Variants in TEX9 observed in about 807,000 individuals in gnomAD.
The protein encoded by TEX9 is testis-expressed protein 9.
TEX9 carries 74 observed loss-of-function variants against 59.6 expected under a neutral mutation model. That is an observed-to-expected ratio of 1.24 (90% CI 1.03 to 1.51). The LOEUF is 1.51. Ranked by LOEUF, TEX9 falls within the 40% of genes most tolerant of loss-of-function variation. TEX9 has a pLI of 0.00. For missense variants in TEX9, 522 were observed against 447.8 expected, an observed-to-expected ratio of 1.17 and a Z score of -1.49; for synonymous variants, 186 against 152.2, an observed-to-expected ratio of 1.22 and a Z score of -1.64.
intron 9 of TEX9, among the ~76,000 whole-genome samples, chr15:56,401,308 C>CAAAAAAAAAA (rs1207055803): frequency 1.2e-3 from 58 of 46,776 alleles, no homozygotes; most frequent in East Asian, 3.3e-3. Flanking sequence ...AAATTGAAAG[C>CAAAAAAAAAA]AAAAAAAAAA....
chr15:56,385,323 G>T (rs1261104551), intron 4 of TEX9, among the ~76,000 whole-genome samples: 1 of 152,080 alleles, frequency 6.6e-6, no homozygotes, highest in African/African-American at 2.4e-5. Flanking sequence ...GAGAAAATCT[G>T]TAAGGAACAA....
At chr15:56,421,301 ATATT>A (rs1352349622) in intron 10 of TEX9, among the ~76,000 whole-genome samples, 1 of 151,710 alleles carries the variant, frequency 6.6e-6, no homozygotes, top group East Asian at 1.9e-4. Context: ...TTATTTATTT[ATATT>A]TATTTTTGTT....
At chr15:56,293,830 G>T (rs1246753566) in intron 1 of TEX9, among the ~76,000 whole-genome samples, 1 of 152,236 alleles carries the variant, frequency 6.6e-6, no homozygotes. Flanking sequence ...CAGGGAGGAT[G>T]ACCAGAAGCT....
intron 1 of TEX9, among the ~76,000 whole-genome samples, chr15:56,299,539 G>C (rs900903272): frequency 2.0e-5 from 3 of 152,162 alleles, no homozygotes; most frequent in Non-Finnish European, 4.4e-5. Flanking sequence ...ATGACCTAGC[G>C]ATATACCAAC....
chr15:56,341,794 A>T (rs12442599), intron 1 of TEX9, among the ~76,000 whole-genome samples: 6 of 152,182 alleles, frequency 3.9e-5, no homozygotes, highest in African/African-American at 1.4e-4. Flanking sequence ...ATATAAAAAT[A>T]TACTCAAATA....
At chr15:56,269,577 T>C (rs1321919840) in intron 1 of TEX9, among the ~76,000 whole-genome samples, 2 of 152,164 alleles carry the variant, frequency 1.3e-5, no homozygotes, top group Non-Finnish European at 2.9e-5. Context: ...TTTTGTTATT[T>C]GCCCGGTGGT....
intron 1 of TEX9, among the ~76,000 whole-genome samples, chr15:56,309,882 A>C (rs1290596010): frequency 5.3e-5 from 8 of 151,640 alleles, no homozygotes; most frequent in African/African-American, 1.9e-4. Context: ...GGAAGTGAAA[A>C]ATCCCAAAAA....
chr15:56,428,950 A>C, intron 12 of TEX9: 1 of 561,662 alleles, frequency 1.8e-6, no homozygotes, highest in Non-Finnish European at 3.1e-6. Flanking sequence ...TTTGTATCTG[A>C]TAATTGTTTA....
chr15:56,376,110 T>C (rs916416716), intron 3 of TEX9, among the ~76,000 whole-genome samples: 1 of 147,158 alleles, frequency 6.8e-6, no homozygotes, highest in African/African-American at 2.5e-5. Flanking sequence ...TTAGGAGATA[T>C]ACCTAATGCT....
chr15:56,293,897 C>T (rs2045157911), intron 1 of TEX9, among the ~76,000 whole-genome samples: 1 of 152,216 alleles, frequency 6.6e-6, no homozygotes, highest in South Asian at 2.1e-4. Context: ...TTATTAATCC[C>T]TGTATTAAAC....
rs552904426 is a variant in TEX9 at position 56,326,747 on chromosome 15, C to T, written c.-106-46694C>T. Among the ~76,000 whole-genome samples the T allele has an allele frequency of 8.5e-5, 13 of 152,276 alleles. No homozygotes were observed. In the East Asian group the frequency reaches 1.9e-3, roughly 23 times the overall value. Reference sequence around the variant, plus strand: ...CTGCAAAATAAATACCTCAGAATTACGCTATCTCAGTAGTGGGCTACTTCC... The same window carrying T: ...CTGCAAAATAAATACCTCAGAATTATGCTATCTCAGTAGTGGGCTACTTCC... On this transcript the variant is annotated intron_variant, in intron 1 of 5. Coordinates refer to the TEX9 transcript ENST00000560827.
At chr15:56,387,639 G>A (rs1160496236) in intron 4 of TEX9, among the ~76,000 whole-genome samples, 2 of 151,848 alleles carry the variant, frequency 1.3e-5, no homozygotes, top group African/African-American at 2.4e-5. Context: ...TAGCAATAAT[G>A]GATGCTAACA....
chr15:56,339,257 C>T (rs1596101901), intron 1 of TEX9, among the ~76,000 whole-genome samples: 2 of 151,236 alleles, frequency 1.3e-5, no homozygotes, highest in Admixed American at 6.6e-5. Context: ...GTGGTGTGTG[C>T]CTGTAATCCC....
chr15:56,252,003 C>T (rs1279540624), intron 1 of TEX9, among the ~76,000 whole-genome samples: 4 of 152,152 alleles, frequency 2.6e-5, no homozygotes, highest in African/African-American at 7.2e-5. Context: ...GTGTGATTTT[C>T]TCCTCCCCCA....
chr15:56,451,650 C>T, the TEX9 span, among the ~76,000 whole-genome samples: 1 of 152,142 alleles, frequency 6.6e-6, no homozygotes, highest in African/African-American at 2.4e-5. Flanking sequence ...TGATTATAGA[C>T]AGTCTCTGAT....
intron 9 of TEX9, chr15:56,397,045 G>A (rs539716329): frequency 6.5e-6 from 1 of 152,804 alleles, no homozygotes; most frequent in East Asian, 1.9e-4. Context: ...AAGTTTGGAG[G>A]GCTCAGAAAA....
intron 1 of TEX9, among the ~76,000 whole-genome samples, chr15:56,273,414 G>C (rs1165592145): frequency 1.3e-5 from 2 of 152,006 alleles, no homozygotes; most frequent in Admixed American, 6.6e-5. Flanking sequence ...CTTTACAACA[G>C]TACACTCCAA....
intron 1 of TEX9, among the ~76,000 whole-genome samples, chr15:56,268,608 T>C (rs2044447893): frequency 6.6e-6 from 1 of 152,150 alleles, no homozygotes; most frequent in African/African-American, 2.4e-5. Flanking sequence ...TTTGGTTCTG[T>C]TTATGTGATG....
At chr15:56,283,328 G>A (rs2044864889) in intron 1 of TEX9, among the ~76,000 whole-genome samples, 1 of 151,916 alleles carries the variant, frequency 6.6e-6, no homozygotes, top group Non-Finnish European at 1.5e-5. Context: ...ATTTCTAGAA[G>A]GAAAGCAATA....
Sources: allele counts gnomAD v4.1 joint callset (sites outside exome capture counted in the v4.1 genomes callset), GRCh38; gene constraint gnomAD v4.1.1; transcripts MANE v1.5; gene names NCBI Gene and HGNC (gene_info 2026-07-23, HGNC 2026-07-21).